Variants in DYSF observed in about 807,000 individuals in gnomAD.
DYSF encodes the protein dystrophy-associated fer-1-like 1.
Under a neutral mutation model 274.9 loss-of-function variants are expected in DYSF, and 212 were observed. The observed-to-expected ratio is 0.77, with a 90% CI of 0.69 to 0.86. The LOEUF is 0.86. Ranked by LOEUF, DYSF falls within the 40% of genes least tolerant of loss-of-function variation. The probability of loss-of-function intolerance (pLI) is 0.00; values close to 1 mark genes in which losing one functional copy is unlikely to be tolerated. For synonymous variants in DYSF, 1,091 were observed against 1,078.7 expected (o/e 1.01, Z -0.22); for missense variants, 2,666 against 2,783.2 (o/e 0.96, Z 0.95).
intron 36 of DYSF, among the ~76,000 whole-genome samples, chr2:71,608,924 C>T (rs1256919925): frequency 1.3e-5 from 2 of 151,648 alleles, no homozygotes; most frequent in African/African-American, 4.8e-5. Context: ...GGGCTGTTCC[C>T]TCCCTGATGG....
chr2:71,648,925 GC>G (rs996164408), intron 42 of DYSF, among the ~76,000 whole-genome samples: 2 of 151,962 alleles, frequency 1.3e-5, no homozygotes, highest in Non-Finnish European at 2.9e-5. Context: ...AAGCATAAAG[GC>G]TACAGATAAC....
intron 42 of DYSF, among the ~76,000 whole-genome samples, chr2:71,646,015 T>G (rs563459188): frequency 2.0e-5 from 3 of 152,300 alleles, no homozygotes; most frequent in African/African-American, 7.2e-5. Context: ...CTAGGCACTC[T>G]GGAGGGCAGT....
At chr2:71,496,167 T>C (rs1433994374) in intron 3 of DYSF, among the ~76,000 whole-genome samples, 1 of 151,764 alleles carries the variant, frequency 6.6e-6, no homozygotes, top group African/African-American at 2.4e-5. Context: ...ATCTGAAAAA[T>C]AGAATTAATT....
chr2:71,682,386 G>A lies in DYSF; in HGVS notation c.6174-144G>A, dbSNP rs1454517146. 7 of 981,040 alleles carry A rather than the reference G, an allele frequency of 7.1e-6. No individual in the cohort carries two copies. The East Asian group carries it at 1.5e-4, about 20-fold the overall frequency. The allele number at this position is 981,040 out of a possible 1,614,324, so 60.8% of individuals were successfully genotyped here. A position where few individuals can be genotyped will look rare whatever the true frequency, so the allele number is the denominator to read the frequency against. On this transcript the variant is annotated intron_variant, in intron 54 of 55. Transcript: ENST00000410020. ...GGGGAGAGGGAATGCAAGGTGCAAA[G>A]GGCTAGTTTAGGGACAGGGCCTGGG...
chr2:71,674,124 C>G, intron 51 of DYSF, 73 bp from the exon 52 acceptor site: 2 of 1,431,968 alleles, frequency 1.4e-6, no homozygotes, highest in Admixed American at 1.7e-5. Flanking sequence ...GGCAGCCTTC[C>G]AGGCTGGAAG....
At chr2:71,504,123 C>G (rs1234535093) in intron 4 of DYSF, among the ~76,000 whole-genome samples, 1 of 152,158 alleles carries the variant, frequency 6.6e-6, no homozygotes, top group East Asian at 1.9e-4. Flanking sequence ...CCGGTCTGGG[C>G]AGATCTCTGA....
intron 32 of DYSF, 146 bp from the exon 33 acceptor site, chr2:71,598,418 A>G: frequency 2.0e-6 from 2 of 984,428 alleles, no homozygotes; most frequent in Non-Finnish European, 3.1e-6. Flanking sequence ...CCCCATAGGG[A>G]AGATGCATCC....
intron 53 of DYSF, among the ~76,000 whole-genome samples, chr2:71,680,452 C>T (rs1402995977): frequency 2.0e-5 from 3 of 152,192 alleles, no homozygotes; most frequent in African/African-American, 4.8e-5. Context: ...CTCTGTCATC[C>T]GACTTCTAAA....
chr2:71,519,790 A>G (rs4852798), intron 10 of DYSF, among the ~76,000 whole-genome samples: 72,534 of 147,492 alleles, frequency 0.49, 18,454 homozygotes, highest in Non-Finnish European at 0.54. Flanking sequence ...AATTACAGGC[A>G]TGCACCACCA....
chr2:71,656,445 G>A (rs776457401), intron 43 of DYSF, among the ~76,000 whole-genome samples, 155 bp downstream of exon 43: 6 of 152,106 alleles, frequency 3.9e-5, no homozygotes, highest in South Asian at 2.1e-4. Flanking sequence ...TGCCGCTGAC[G>A]CAGAATCTGA....
At chr2:71,629,222 A>G (rs1018252759) in intron 41 of DYSF, among the ~76,000 whole-genome samples, 2 of 152,142 alleles carry the variant, frequency 1.3e-5, no homozygotes, top group Non-Finnish European at 2.9e-5. Flanking sequence ...GCAGTTTCTA[A>G]TCTGCTATTT....
chr2:71,606,967 A>G (rs576663211), intron 36 of DYSF, among the ~76,000 whole-genome samples: 1 of 152,230 alleles, frequency 6.6e-6, no homozygotes, highest in East Asian at 1.9e-4. Flanking sequence ...CTTCCCCTTC[A>G]GTTATCCATT....
chr2:71,544,272 C>G (rs987790527), intron 17 of DYSF, among the ~76,000 whole-genome samples: 2 of 152,040 alleles, frequency 1.3e-5, no homozygotes, highest in African/African-American at 4.8e-5. Context: ...GTGTGTGGGT[C>G]TTTCTCTGTC....
chr2:71,526,418 T>TGGGGGGGTGGGGGGGGGGGTG, intron 13 of DYSF, 72 bp downstream of exon 13: 1 of 261,504 alleles, frequency 3.8e-6, no homozygotes, highest in Non-Finnish European at 7.0e-6. Flanking sequence ...GGGTGGGCGA[T>TGGGGGGGTGGGGGGGGGGGTG]GGCGGGCGGG....
chr2:71,523,948 A>G (rs1573727011), intron 12 of DYSF, among the ~76,000 whole-genome samples: 2 of 152,302 alleles, frequency 1.3e-5, no homozygotes, highest in Admixed American at 6.5e-5. Flanking sequence ...GATCCTTAGC[A>G]TGACATTCAA....
At chr2:71,579,063 T>C (rs2092803633) in intron 30 of DYSF, among the ~76,000 whole-genome samples, 1 of 152,194 alleles carries the variant, frequency 6.6e-6, no homozygotes, top group South Asian at 2.1e-4. Context: ...GCCGCTATTA[T>C]AGCGCGTTCC....
intron 36 of DYSF, among the ~76,000 whole-genome samples, chr2:71,609,981 TC>T (rs1180000236): frequency 6.6e-6 from 1 of 152,208 alleles, no homozygotes; most frequent in Non-Finnish European, 1.5e-5. Context: ...TCTATCACAG[TC>T]CTTTTAATTA....
intron 1 of DYSF, among the ~76,000 whole-genome samples, chr2:71,469,140 G>A (rs1236766892): frequency 2.0e-5 from 3 of 152,266 alleles, no homozygotes; most frequent in East Asian, 3.9e-4. Context: ...ACCGCATCTT[G>A]GGAAAAATGG....
At chr2:71,591,514 T>C (rs922168187) in intron 32 of DYSF, among the ~76,000 whole-genome samples, 1 of 152,268 alleles carries the variant, frequency 6.6e-6, no homozygotes, top group African/African-American at 2.4e-5. Context: ...CTATTTCATG[T>C]AACCCTTACA....
Sources: gnomAD v4.1 joint callset for allele counts (sites outside exome capture counted in the v4.1 genomes callset) on GRCh38, gnomAD v4.1.1 for gene constraint, MANE v1.5 for transcripts, NCBI Gene and HGNC (gene_info 2026-07-23, HGNC 2026-07-21) for gene names.